COL11A2: variants seen among roughly 807,000 people sequenced by gnomAD.
COL11A2 encodes the protein collagen alpha-2(XI) chain.
A neutral mutation model predicts 273.4 loss-of-function variants in COL11A2; 116 were observed. The observed-to-expected ratio is 0.42, with a 90% CI of 0.36 to 0.49. COL11A2 has a LOEUF of 0.49. Ranked by LOEUF, COL11A2 falls within the 20% of genes least tolerant of loss-of-function variation. The pLI is 0.00. For missense variants in COL11A2, 1,866 were observed against 2,309.0 expected (o/e 0.81, Z 3.93); for synonymous variants, 782 against 864.2 (o/e 0.90, Z 1.67).
At chr6:33,185,525 C>G (rs1772297444) in intron 6 of COL11A2, among the ~76,000 whole-genome samples, 176 bp downstream of exon 6, 1 of 151,968 alleles carries the variant, frequency 6.6e-6, no homozygotes, top group Non-Finnish European at 1.5e-5. Context: ...GTGGTGGGGG[C>G]TCCCAGGGCG....
intron 7 of COL11A2, 76 bp from the exon 8 acceptor site, chr6:33,184,400 TGTGAC>T: frequency 3.7e-6 from 4 of 1,082,998 alleles, no homozygotes; most frequent in Non-Finnish European, 5.1e-6. Flanking sequence ...GACCCCAGGG[TGTGAC>T]AACTTCTAGC....
Position 33,189,035 on chromosome 6 carries a change from C to A in COL11A2, c.386G>T (p.Gly129Val). ...PVRFLYEDQTGRPQPPSQPVF... is the reference protein window; with the variant it reads ...PVRFLYEDQTVRPQPPSQPVF... ...TGGCTGAGAGGGAGGTTGAGGCCGC[C>A]CAGTCTGGTCTTCATACAGGAAGCG... The change falls in exon 3 of 66, where the codon GGG becomes GTG. Residue 129 changes from glycine (G) to valine (V), a missense_variant. By Grantham distance (109) the Gly-to-Val change is moderately radical. Transcript: ENST00000341947. This position sits in a 1 kb window ranked among gnomAD's most constrained non-coding sequence, Gnocchi z 5.6. 1 of 1,614,202 alleles carries A rather than the reference C, an allele frequency of 6.2e-7. No individual in the cohort carries two copies. The highest frequency in any genetic ancestry group is 8.5e-7 in the Non-Finnish European group (1 of 1,180,040).
In COL11A2 at chr6:33,174,473, A is replaced by AAGGGAAGAGGAGG. The variant is rs1251109759; in HGVS notation, c.2430+53_2430+54insCCTCCTCTTCCCT. On this transcript the variant is annotated intron_variant, in intron 31 of 65. Transcript: ENST00000341947. ...TGCTTTCTGGAATCAGGGATCAGGG[A>AAGGGAAGAGGAGG]AGCGAAGAGGAGGAGGGAAGAGGAG... is the stretch of plus-strand genomic sequence containing the variant. The AAGGGAAGAGGAGG allele has an allele frequency of 9.4e-6, 15 of 1,596,794 alleles. No individual in the cohort carries two copies. In the East Asian group the frequency reaches 1.6e-4, roughly 17 times the overall value.
In COL11A2 at chr6:33,164,281, T is replaced by C. The variant is rs780767576; in HGVS notation, c.5056A>G (p.Arg1686Gly). The change falls in exon 65 of 66, where the codon AGA becomes GGA. Residue 1686 changes from arginine to glycine, a missense_variant. By Grantham distance (125) the Arg-to-Gly change is moderately radical (BLOSUM62 -2). Coordinates refer to ENST00000341947, the MANE Select transcript of COL11A2 (RefSeq NM_080680.3). The surrounding 1 kb of genome is among the most constrained non-coding windows in gnomAD (Gnocchi z 4.7). Reference sequence around the variant, plus strand: ...CCTGTTCCCACCTGGCAGCCATCTCTGAATTCTTTGACATAGGGGCTAGTC... The same window carrying C: ...CCTGTTCCCACCTGGCAGCCATCTCCGAATTCTTTGACATAGGGGCTAGTC... ...PETSPYVKEFRDGCQTQQGRT... is the reference protein window; with the variant it reads ...PETSPYVKEFGDGCQTQQGRT... The C allele has an allele frequency of 6.2e-7, 1 of 1,612,956 alleles. No individual in the cohort carries two copies. Among genetic ancestry groups the C allele is most frequent in the East Asian group, 2.2e-5 (1 of 44,874 alleles).
At chr6:33,171,429 G>A (rs780430903) in intron 43 of COL11A2, 38 bp downstream of exon 43, 3 of 1,610,552 alleles carry the variant, frequency 1.9e-6, no homozygotes, top group South Asian at 2.2e-5. Flanking sequence ...CATCTCATCT[G>A]GAAAGAAGAT....
At chr6:33,174,676 A>C (rs1219600991) in intron 30 of COL11A2, 96 bp from the exon 31 acceptor site, 1 of 1,121,264 alleles carries the variant, frequency 8.9e-7, no homozygotes, top group Non-Finnish European at 1.3e-6. Flanking sequence ...GCCAGCCCCC[A>C]CCCAGCAACA....
In COL11A2 at chr6:33,165,000, T is replaced by G. The variant is rs865975925; in HGVS notation, c.4751-36A>C. 5 of 1,502,234 alleles carry G rather than the reference T, an allele frequency of 3.3e-6. No individual in the cohort carries two copies. Among genetic ancestry groups the G allele is most frequent in the Middle Eastern group, 1.7e-4 (1 of 5,888 alleles). 93.1% of individuals were successfully genotyped at this position (1,502,234 alleles called of 1,614,324 possible). On this transcript the variant is annotated intron_variant, in intron 63 of 65. Transcript: ENST00000341947. The surrounding 1 kb of genome is among the most constrained non-coding windows in gnomAD (Gnocchi z 4.7). ...AGGGAGAGGGGAGGTCAGGGCCACC[T>G]AGGTCCAGGCTCCAAGATGCTCTTT...
chr6:33,174,191 C>A lies in COL11A2; in HGVS notation c.2458G>T (p.Gly820Cys). ...KGSLGFPGFP[G>C]ASGEKGARGL... The stretch of plus-strand genomic sequence containing the variant: ...CGGGCTCCCTTCTCTCCACTGGCAC[C>A]AGGAAAGCCAGGAAATCCTAGGGAC... Residue 820 changes from glycine (G) to cysteine (C), a missense_variant, in exon 32 of 66, where the codon GGT becomes TGT. Gly to Cys is a radical substitution (Grantham distance 159). Transcript: ENST00000341947. The A allele has an allele frequency of 6.3e-7, 1 of 1,576,888 alleles. No homozygotes were observed.
intron 6 of COL11A2, among the ~76,000 whole-genome samples, chr6:33,185,425 G>A (rs1003222954): frequency 1.2e-4 from 18 of 152,176 alleles, no homozygotes; most frequent in African/African-American, 4.3e-4. Context: ...GGCCTGGTGA[G>A]GGGGACGCCT....
chr6:33,170,141 A>G lies in COL11A2; in HGVS notation c.3583-41T>C. 6.2e-7 allele frequency: 1 copy of G among 1,612,584 alleles called. No individual in the cohort carries two copies. The highest frequency in any genetic ancestry group is 8.5e-7 in the Non-Finnish European group (1 of 1,179,620). ...AAATAGGTGTCATTGCTTAGGATGG[A>G]GGTGCCATTTCAGGGGCAAAGTCCC... On this transcript the variant is annotated intron_variant, in intron 48 of 65. Transcript: ENST00000341947. This position sits in a 1 kb window ranked among gnomAD's most constrained non-coding sequence, Gnocchi z 4.3.
Position 33,176,121 on chromosome 6 carries a change from C to G in COL11A2, c.2215-52G>C. On this transcript the variant is annotated intron_variant, in intron 28 of 65. Transcript: ENST00000341947. This position sits in a 1 kb window ranked among gnomAD's most constrained non-coding sequence, Gnocchi z 4.9. ...CCACAGATGACAGAGGGCTGGGGTT[C>G]TAATGGGAATTCTGAGAACATAGGT... 1 of 1,611,586 alleles carries G rather than the reference C, an allele frequency of 6.2e-7. No individual in the cohort carries two copies. Among genetic ancestry groups the G allele is most frequent in the Non-Finnish European group, 8.5e-7 (1 of 1,178,782 alleles).
At chr6:33,183,064 A>G (rs1188361564) in intron 8 of COL11A2, among the ~76,000 whole-genome samples, 1 of 152,174 alleles carries the variant, frequency 6.6e-6, no homozygotes. Context: ...GAGGTATGGG[A>G]TGCGGCAGCA....
Position 33,165,687 on chromosome 6 carries a change from C to G in COL11A2, c.4612G>C (p.Gly1538Arg), listed in dbSNP as rs745996561. 1.9e-6 allele frequency: 3 copies of G among 1,611,474 alleles called. No individual in the cohort carries two copies. Among genetic ancestry groups the G allele is most frequent in the South Asian group, 1.1e-5 (1 of 91,090 alleles). The change falls in exon 63 of 66, where the codon GGG becomes CGG. Residue 1538 changes from glycine (G) to arginine (R), a missense_variant. Coordinates refer to ENST00000341947, the MANE Select transcript of COL11A2 (RefSeq NM_080680.3). This position sits in a 1 kb window ranked among gnomAD's most constrained non-coding sequence, Gnocchi z 7.7. ...IPTGGAPGSP[G>R]GLEEIFGSLD... The stretch of plus-strand genomic sequence containing the variant: ...GAGCCAAAGATCTCCTCCAGCCCCC[C>G]AGGACTGCCGGGGGCTCCCCCGGTC...
chr6:33,186,794 C>A lies in COL11A2; in HGVS notation c.631G>T (p.Val211Phe), dbSNP rs758963847. 6.2e-7 allele frequency: 1 copy of A among 1,614,108 alleles called. No individual in the cohort carries two copies. Among genetic ancestry groups the A allele is most frequent in the Non-Finnish European group, 8.5e-7 (1 of 1,180,038 alleles). Residue 211 changes from valine (V) to phenylalanine (F), a missense_variant, in exon 5 of 66, where the codon GTC becomes TTC. Val to Phe is a conservative substitution (Grantham distance 50, BLOSUM62 -1). Transcript: ENST00000341947. ...FEGDVQELAI[V>F]PGVQAAYESC... is the part of the protein sequence containing the mutation. ...TCATAGGCTGCCTGGACCCCTGGGA[C>A]AATGGCCAGCTCCTGGACATCACCC...
rs544590304 is a variant in COL11A2 at position 33,190,034 on chromosome 6, C to T, written c.83-565G>A. 1.3e-5 allele frequency among the ~76,000 whole-genome samples: 2 copies of T among 152,042 alleles called. No homozygotes were observed. Among genetic ancestry groups the T allele is most frequent in the Non-Finnish European group, 1.5e-5 (1 of 68,032 alleles). Reference sequence around the variant, plus strand: ...GGACACAGGAGGTGCAGGGGGGCCACGAGGAAGAGATCAGAGAAGCAGCTC... The same window carrying T: ...GGACACAGGAGGTGCAGGGGGGCCATGAGGAAGAGATCAGAGAAGCAGCTC... On this transcript the variant is annotated intron_variant, in intron 1 of 65. Transcript: ENST00000341947. The surrounding 1 kb of genome is among the most constrained non-coding windows in gnomAD (Gnocchi z 4.5).
intron 8 of COL11A2, 145 bp downstream of exon 8, chr6:33,184,000 C>A: frequency 7.9e-6 from 5 of 635,716 alleles, no homozygotes; most frequent in Non-Finnish European, 1.3e-5. Context: ...TTTCAAGCAA[C>A]ATATACATCA....
chr6:33,192,053 T>C (rs1226117307), intron 1 of COL11A2, 106 bp downstream of exon 1: 5 of 1,070,706 alleles, frequency 4.7e-6, no homozygotes, highest in Non-Finnish European at 5.6e-6. Flanking sequence ...CCAAATCTCC[T>C]TGTTAGACTC....
Position 33,176,346 on chromosome 6 carries a change from G to A in COL11A2, c.2170-43C>T. The A allele has an allele frequency of 6.2e-7, 1 of 1,601,350 alleles. No homozygotes were observed. The highest frequency in any genetic ancestry group is 8.5e-7 in the Non-Finnish European group (1 of 1,173,516). On this transcript the variant is annotated intron_variant, in intron 27 of 65. Coordinates refer to ENST00000341947, the MANE Select transcript of COL11A2 (RefSeq NM_080680.3). This position sits in a 1 kb window ranked among gnomAD's most constrained non-coding sequence, Gnocchi z 4.9. ...ATAGAAGTAGACTGATCAGGGGATG[G>A]AGGTGGGTTGGAAGGACCAAGCTCC...
In COL11A2 at chr6:33,178,633, A is replaced by G. The variant is rs768297489; in HGVS notation, c.1719+46T>C. 1 of 1,610,162 alleles carries G rather than the reference A, an allele frequency of 6.2e-7. No homozygotes were observed. The highest frequency in any genetic ancestry group is 8.5e-7 in the Non-Finnish European group (1 of 1,177,760). On this transcript the variant is annotated intron_variant, in intron 18 of 65. Transcript: ENST00000341947. The surrounding 1 kb of genome is among the most constrained non-coding windows in gnomAD (Gnocchi z 4.6). ...CTTCCCTACCTATCCTCACTCCCAT[A>G]GAAGATCTATCCCCAATTACAACAC...
Sources: gnomAD v4.1 joint callset for allele counts (sites outside exome capture counted in the v4.1 genomes callset) on GRCh38, gnomAD v4.1.1 for gene constraint, Gnocchi (gnomAD v3.1) non-coding constraint, MANE v1.5 for transcripts, NCBI Gene and HGNC (gene_info 2026-07-23, HGNC 2026-07-21) for gene names.